Variants in PDLIM5 observed in about 807,000 individuals in gnomAD.
PDLIM5 encodes the protein PDZ and LIM domain 5.
PDLIM5 carries 34 observed loss-of-function variants against 64.2 expected under a neutral mutation model. That is an observed-to-expected ratio of 0.53 (90% CI 0.40 to 0.71). PDLIM5 has a LOEUF of 0.71. PDLIM5 is among the 30% of genes least tolerant of loss of function. PDLIM5 has a pLI of 0.00. For synonymous variants in PDLIM5, 253 were observed against 269.1 expected (o/e 0.94, Z 0.59); for missense variants, 683 against 733.6 (o/e 0.93, Z 0.80).
intron 8 of PDLIM5, among the ~76,000 whole-genome samples, chr4:94,630,531 G>A (rs1030656539): frequency 3.9e-5 from 6 of 151,968 alleles, no homozygotes; most frequent in Admixed American, 3.9e-4. Flanking sequence ...GCACCACCAT[G>A]CCCGGCTAAT....
Position 94,664,429 on chromosome 4 carries a change from A to G in PDLIM5, c.*362A>G. On this transcript the variant is annotated 3_prime_UTR_variant, in exon 13 of 13. Coordinates refer to ENST00000317968, the MANE Select transcript of PDLIM5 (RefSeq NM_006457.5). ...CTTCTTTCCTTGTTAGGTAGTTATGAGTAAATCTGCAAAAGGCAATGAAAA... is the reference window on the plus strand; with the variant it reads ...CTTCTTTCCTTGTTAGGTAGTTATGGGTAAATCTGCAAAAGGCAATGAAAA... The G allele has an allele frequency of 1.3e-6, 1 of 795,600 alleles. No individual in the cohort carries two copies. The highest frequency in any genetic ancestry group is 1.5e-6 in the Non-Finnish European group (1 of 658,120). The allele number at this position is 795,600 out of a possible 1,614,324, so 49.3% of individuals were successfully genotyped here.
In PDLIM5 at chr4:94,664,990, C is replaced by T. The variant is rs62316494; in HGVS notation, c.*923C>T. The T allele has an allele frequency of 0.026, 25,902 of 982,394 alleles. 387 individuals are homozygous for T. The highest frequency in any genetic ancestry group is 0.029 in the Non-Finnish European group (23,600 of 827,146). The allele number at this position is 982,394 out of a possible 1,614,324, so 60.9% of individuals were successfully genotyped here. ...AGTAAGAGATGTTATATTCTTTTCT[C>T]ATTTCTTCCCCACCCAAAAATAAGC... On this transcript the variant is annotated 3_prime_UTR_variant, in exon 13 of 13. Coordinates refer to ENST00000317968, the MANE Select transcript of PDLIM5 (RefSeq NM_006457.5).
intron 2 of PDLIM5, among the ~76,000 whole-genome samples, chr4:94,467,098 G>C (rs190020822): frequency 1.4e-4 from 21 of 152,298 alleles, no homozygotes; most frequent in African/African-American, 4.6e-4. Context: ...ATAATGAATA[G>C]TTCATGTATT....
chr4:94,545,393 T>A (rs369059726), intron 3 of PDLIM5, among the ~76,000 whole-genome samples: 2 of 152,316 alleles, frequency 1.3e-5, no homozygotes, highest in East Asian at 1.9e-4. Flanking sequence ...TTGTGGTATC[T>A]CTCTCAACAC....
Position 94,575,722 on chromosome 4 carries a change from G to T in PDLIM5, c.398G>T (p.Gly133Val), listed in dbSNP as rs200298588. 3 of 1,613,894 alleles carry T rather than the reference G, an allele frequency of 1.9e-6. No homozygotes were observed. The African/African-American group carries it at 4.0e-5, about 22-fold the overall frequency. The part of the protein sequence containing the change: ...MAYNKAPRPF[G>V]SVSSPKVTSI... ...TACAATAAGGCACCACGGCCTTTTG[G>T]TTCTGTGTCTTCACCAAAAGTCACA... Residue 133 changes from glycine to valine, a missense_variant, in exon 5 of 13, where the codon GGT (glycine) becomes GTT (valine). Coordinates refer to ENST00000317968, the MANE Select transcript of PDLIM5 (RefSeq NM_006457.5).
intron 8 of PDLIM5, among the ~76,000 whole-genome samples, chr4:94,630,762 A>G (rs1208710802): frequency 1.3e-5 from 2 of 152,152 alleles, no homozygotes; most frequent in Non-Finnish European, 2.9e-5. Context: ...AGGAATCAAA[A>G]TGTATTTTAT....
intron 7 of PDLIM5, among the ~76,000 whole-genome samples, chr4:94,589,838 G>A (rs531843306): frequency 9.8e-4 from 149 of 151,370 alleles, no homozygotes; most frequent in African/African-American, 2.7e-3. Context: ...GCGATGGTGC[G>A]GTATTGGCTT....
intron 8 of PDLIM5, among the ~76,000 whole-genome samples, chr4:94,622,805 G>A (rs1016736961): frequency 2.0e-5 from 3 of 151,912 alleles, no homozygotes; most frequent in Non-Finnish European, 4.4e-5. Flanking sequence ...TGAGTAGCTG[G>A]GACTACAGGT....
chr4:94,542,332 A>AAATAAATAAATAAATAAATAAAGT (rs1553953459), intron 3 of PDLIM5, among the ~76,000 whole-genome samples: 20 of 150,184 alleles, frequency 1.3e-4, no homozygotes, highest in African/African-American at 4.4e-4. Context: ...ATAAATAAAT[A>AAATAAATAAATAAATAAATAAAGT]AAGTAAGTAA....
chr4:94,461,211 C>A (rs1344807543), intron 2 of PDLIM5, among the ~76,000 whole-genome samples: 1 of 152,144 alleles, frequency 6.6e-6, no homozygotes, highest in African/African-American at 2.4e-5. Context: ...TCAACTTTGG[C>A]AGATGAGACT....
At position 94,501,065 on chromosome 4, in the gene PDLIM5, A is replaced by G. The variant is rs192438828; in HGVS notation, c.97-22659A>G. ...CCAAGGTGCTGGAGTTACAGGTGTG[A>G]GCCACTATACCTGGCCTTTTTTTTT... is the stretch of plus-strand genomic sequence containing the variant. On this transcript the variant is annotated intron_variant, in intron 2 of 12. Transcript: ENST00000317968. Among the ~76,000 whole-genome samples, 313 of 145,036 alleles carry G rather than the reference A, an allele frequency of 2.2e-3. 1 individual carries two copies. Among genetic ancestry groups the G allele is most frequent in the African/African-American group, 7.9e-3 (303 of 38,462 alleles).
intron 2 of PDLIM5, among the ~76,000 whole-genome samples, chr4:94,467,314 G>GTTT (rs1173951811): frequency 8.7e-5 from 12 of 138,034 alleles, no homozygotes; most frequent in Non-Finnish European, 7.9e-5. Context: ...ACTGAGGAAA[G>GTTT]TTTTTTTTTT....
At chr4:94,606,111 G>A (rs571812624) in intron 7 of PDLIM5, among the ~76,000 whole-genome samples, 7 of 152,128 alleles carry the variant, frequency 4.6e-5, no homozygotes, top group Admixed American at 3.3e-4. Flanking sequence ...TTGTGAATTC[G>A]TTATTTGGAA....
At chr4:94,481,259 T>C (rs1725819974) in intron 2 of PDLIM5, among the ~76,000 whole-genome samples, 1 of 151,916 alleles carries the variant, frequency 6.6e-6, no homozygotes, top group South Asian at 2.1e-4. Context: ...GGTTGCTGCA[T>C]TATCTTGATG....
In PDLIM5 at chr4:94,586,456, A is replaced by G; in HGVS notation, c.920+12A>G. On this transcript the variant is annotated intron_variant, in intron 7 of 12. Coordinates refer to ENST00000317968, the MANE Select transcript of PDLIM5 (RefSeq NM_006457.5). ...ACAAAGAAGGCAAAGTAAGTTCTCTATCTTTTTGACAATTGAATGTTTTCC... is the reference window on the plus strand; with the variant it reads ...ACAAAGAAGGCAAAGTAAGTTCTCTGTCTTTTTGACAATTGAATGTTTTCC... 2.7e-6 allele frequency: 4 copies of G among 1,485,230 alleles called. No homozygotes were observed. The highest frequency in any genetic ancestry group is 3.7e-6 in the Non-Finnish European group (4 of 1,067,656). The allele number at this position is 1,485,230 out of a possible 1,614,324, so 92.0% of individuals were successfully genotyped here.
At chr4:94,627,857 C>T (rs1739827048) in intron 8 of PDLIM5, among the ~76,000 whole-genome samples, 1 of 152,164 alleles carries the variant, frequency 6.6e-6, no homozygotes. Flanking sequence ...TCCTGAGATA[C>T]TGTGATTGCC....
At chr4:94,516,466 T>C (rs1729365237) in intron 2 of PDLIM5, among the ~76,000 whole-genome samples, 1 of 151,994 alleles carries the variant, frequency 6.6e-6, no homozygotes, top group African/African-American at 2.4e-5. Context: ...ACAAAAAGCC[T>C]TATCATTTTA....
chr4:94,579,693 C>T (rs1457916531), intron 5 of PDLIM5, among the ~76,000 whole-genome samples: 1 of 151,946 alleles, frequency 6.6e-6, no homozygotes, highest in Non-Finnish European at 1.5e-5. Flanking sequence ...GTTTGCATTG[C>T]TATGTTGTGG....
At chr4:94,575,313 T>C (rs1378139370) in intron 4 of PDLIM5, among the ~76,000 whole-genome samples, 1 of 152,246 alleles carries the variant, frequency 6.6e-6, no homozygotes, top group Non-Finnish European at 1.5e-5. Context: ...AGGTTGACAC[T>C]GATGAGGGGC....
Sources: allele counts gnomAD v4.1 joint callset (sites outside exome capture counted in the v4.1 genomes callset), GRCh38; gene constraint gnomAD v4.1.1; transcripts MANE v1.5; gene names NCBI Gene and HGNC (gene_info 2026-07-23, HGNC 2026-07-21).